The following FLNB variants were observed in gnomAD, a reference collection of about 807,000 sequenced individuals.
FLNB encodes filamin B.
Under a neutral mutation model 250.6 loss-of-function variants are expected in FLNB, and 111 were observed. The observed-to-expected ratio is 0.44, with a 90% CI of 0.38 to 0.52. The LOEUF is 0.52. Among genes scored for constraint, FLNB ranks in the 20% least tolerant of loss-of-function variants. The pLI, the probability that FLNB is intolerant of heterozygous loss-of-function variation, is 0.00. For missense variants in FLNB, 2,869 were observed against 3,447.8 expected (o/e 0.83, Z 4.20); for synonymous variants, 1,302 against 1,372.1 (o/e 0.95, Z 1.13).
intron 28 of FLNB, among the ~76,000 whole-genome samples, chr3:58,136,746 CTTTTTTTTTTT>C (rs57053256): frequency 7.5e-5 from 6 of 79,814 alleles, no homozygotes; most frequent in African/African-American, 3.3e-4. Context: ...ACAGGCCATT[CTTTTTTTTTTT>C]TTTTTTTTTT....
intron 1 of FLNB, among the ~76,000 whole-genome samples, chr3:58,032,908 C>A (rs556368704): frequency 4.6e-5 from 7 of 152,042 alleles, no homozygotes; most frequent in Non-Finnish European, 2.9e-5. Context: ...ATCTCTACTC[C>A]CTTCCCCGCC....
At chr3:58,159,746 TA>T (rs1343791700) in intron 42 of FLNB, 60 bp downstream of exon 42, 1 of 1,579,008 alleles carries the variant, frequency 6.3e-7, no homozygotes, top group African/African-American at 1.3e-5. Context: ...AATGTTCCTG[TA>T]AATGTGTGTC....
At chr3:58,091,503 A>AC (rs1215605832) in intron 4 of FLNB, among the ~76,000 whole-genome samples, 1 of 152,136 alleles carries the variant, frequency 6.6e-6, no homozygotes, top group East Asian at 1.9e-4. Context: ...ACAAAAGCAA[A>AC]CCCCAAACCA....
Position 58,141,842 on chromosome 3 carries a change from A to G in FLNB, c.5110-16A>G. The G allele has an allele frequency of 1.2e-6, 2 of 1,613,134 alleles. No homozygotes were observed. The highest frequency in any genetic ancestry group is 2.2e-5 in the South Asian group (2 of 91,054). On this transcript the variant is annotated splice_polypyrimidine_tract_variant and intron_variant, in intron 29 of 45. Transcript: ENST00000295956. Reference sequence around the variant, plus strand: ...CCAGTATGGTTCCCAACTAATCTCCATTTGCCACTGACCAGGCCACAGATG... The same window carrying G: ...CCAGTATGGTTCCCAACTAATCTCCGTTTGCCACTGACCAGGCCACAGATG...
intron 29 of FLNB, among the ~76,000 whole-genome samples, chr3:58,139,052 T>A (rs1346080175): frequency 6.6e-6 from 1 of 152,226 alleles, no homozygotes; most frequent in East Asian, 1.9e-4. Flanking sequence ...CTTTTGCAGC[T>A]AGGAACATCT....
intron 1 of FLNB, among the ~76,000 whole-genome samples, chr3:58,050,266 T>G (rs9810622): frequency 0.057 from 8,660 of 152,000 alleles, 785 homozygotes; most frequent in African/African-American, 0.2. Context: ...TTGACCTCGT[T>G]ATCCACCCGC....
intron 1 of FLNB, among the ~76,000 whole-genome samples, chr3:58,044,066 G>T (rs2097150003): frequency 6.6e-6 from 1 of 152,166 alleles, no homozygotes; most frequent in African/African-American, 2.4e-5. Context: ...CATTTCACTC[G>T]GTGTAGCCAT....
At chr3:58,125,028 A>G (rs2097295398) in intron 22 of FLNB, among the ~76,000 whole-genome samples, 1 of 152,100 alleles carries the variant, frequency 6.6e-6, no homozygotes, top group Non-Finnish European at 1.5e-5. Flanking sequence ...TCTGTTTAGG[A>G]TGACTGACTT....
At chr3:58,085,278 T>C (rs970121535) in intron 4 of FLNB, among the ~76,000 whole-genome samples, 1 of 70,660 alleles carries the variant, frequency 1.4e-5, no homozygotes, top group South Asian at 6.5e-4. Context: ...CTTTTTAAAG[T>C]AGGAGACAAA....
chr3:58,094,653 AT>A (rs2097234823), intron 4 of FLNB, among the ~76,000 whole-genome samples, 182 bp from the exon 5 acceptor site: 1 of 152,196 alleles, frequency 6.6e-6, no homozygotes, highest in Admixed American at 6.5e-5. Flanking sequence ...CTTCAATAAC[AT>A]GGGCAAAATT....
chr3:58,013,768 A>T (rs755563201), intron 1 of FLNB, among the ~76,000 whole-genome samples: 1 of 152,252 alleles, frequency 6.6e-6, no homozygotes. Flanking sequence ...GGCTGTGTTG[A>T]GCTGAGATCA....
chr3:58,136,054 G>C lies in FLNB; in HGVS notation c.4747G>C (p.Asp1583His). Residue 1583 changes from aspartate (D) to histidine (H), a missense_variant, in exon 28 of 46, where the codon GAC (aspartate) becomes CAC (histidine). Transcript: ENST00000295956. ...DGTYAVTYIP[D>H]KTGRYMIGVT... is the part of the protein sequence containing the mutation. Reference sequence around the variant, plus strand: ...CACGTATGCTGTCACCTACATCCCCGACAAGACTGGGCGCTATATGATTGG... The same window carrying C: ...CACGTATGCTGTCACCTACATCCCCCACAAGACTGGGCGCTATATGATTGG... 6.2e-7 allele frequency: 1 copy of C among 1,614,124 alleles called. No homozygotes were observed. The highest frequency in any genetic ancestry group is 8.5e-7 in the Non-Finnish European group (1 of 1,180,018).
chr3:58,026,294 C>A (rs775482746), intron 1 of FLNB, among the ~76,000 whole-genome samples: 1 of 152,122 alleles, frequency 6.6e-6, no homozygotes, highest in African/African-American at 2.4e-5. Context: ...CTGCTCCCAT[C>A]CCCCAGGAGT....
chr3:58,169,815 AGGGTG>A lies in FLNB; in HGVS notation c.7621+31_7621+35del. ...GCTGGTAGGTGTCTGGGCCTTTTCAAGGGTGGGGTGGGGCAGGGGCAGGCTGGGCA... is the reference window on the plus strand; with the variant it reads ...GCTGGTAGGTGTCTGGGCCTTTTCAAGGGTGGGGCAGGGGCAGGCTGGGCA... On this transcript the variant is annotated intron_variant, in intron 45 of 45. Transcript: ENST00000295956. The surrounding 1 kb of genome is among the most constrained non-coding windows in gnomAD (Gnocchi z 4.8). 8 of 688,134 alleles carry A rather than the reference AGGGTG, an allele frequency of 1.2e-5. No individual in the cohort carries two copies. Among genetic ancestry groups the A allele is most frequent in the Non-Finnish European group, 2.0e-5 (8 of 397,600 alleles). The allele number at this position is 688,134 out of a possible 1,614,324, so 42.6% of individuals were successfully genotyped here. A position where few individuals can be genotyped will look rare whatever the true frequency, so the allele number is the denominator to read the frequency against.
intron 1 of FLNB, among the ~76,000 whole-genome samples, chr3:58,026,882 C>CT (rs1235672548): frequency 4.6e-5 from 7 of 152,204 alleles, no homozygotes; most frequent in Non-Finnish European, 8.8e-5. Context: ...CACTGAGTGA[C>CT]TAATGCAGAT....
intron 23 of FLNB, among the ~76,000 whole-genome samples, chr3:58,126,043 A>T (rs373496086): frequency 1.3e-5 from 2 of 152,216 alleles, no homozygotes; most frequent in African/African-American, 4.8e-5. Flanking sequence ...TGCAAGGCAT[A>T]TGCCTGCGTT....
chr3:58,078,583 T>C, intron 2 of FLNB, 134 bp from the exon 3 acceptor site: 1 of 1,523,564 alleles, frequency 6.6e-7, no homozygotes, highest in Non-Finnish European at 8.8e-7. Flanking sequence ...CTATTAAATA[T>C]ATGATTTGCT....
chr3:58,124,861 A>T (rs1473028221), intron 22 of FLNB, among the ~76,000 whole-genome samples: 1 of 151,782 alleles, frequency 6.6e-6, no homozygotes, highest in African/African-American at 2.4e-5. Flanking sequence ...AAGAAAAAAA[A>T]GTGCCATGTA....
At chr3:58,170,413 C>A (rs953076686) in intron 45 of FLNB, 162 bp from the exon 46 acceptor site, 8 of 673,856 alleles carry the variant, frequency 1.2e-5, no homozygotes, top group South Asian at 3.5e-5. Context: ...GAACCCACAC[C>A]GTCAGGCTCT....
Sources: gnomAD v4.1 joint callset for allele counts (sites outside exome capture counted in the v4.1 genomes callset) on GRCh38, gnomAD v4.1.1 for gene constraint, Gnocchi (gnomAD v3.1) non-coding constraint, MANE v1.5 for transcripts, NCBI Gene and HGNC (gene_info 2026-07-23, HGNC 2026-07-21) for gene names.